The following PLCG2 variants were observed in gnomAD, a reference collection of about 807,000 sequenced individuals.
PLCG2 encodes phospholipase C gamma 2.
A neutral mutation model predicts 175.6 loss-of-function variants in PLCG2; 69 were observed. The observed-to-expected ratio is 0.39, with a 90% CI of 0.32 to 0.48. The LOEUF is 0.48. Among genes scored for constraint, PLCG2 ranks in the 20% least tolerant of loss-of-function variants. PLCG2 has a pLI of 0.91. For synonymous variants in PLCG2, 827 were observed against 624.0 expected, an observed-to-expected ratio of 1.33 and a Z score of -4.85; for missense variants, 1,798 against 1,650.9, an observed-to-expected ratio of 1.09 and a Z score of -1.54.
chr16:81,849,147 T>C (rs1008889788), intron 2 of PLCG2, among the ~76,000 whole-genome samples: 4 of 152,084 alleles, frequency 2.6e-5, no homozygotes, highest in Admixed American at 6.5e-5. Flanking sequence ...CTTACAGCAA[T>C]GGGACGTCAC....
chr16:81,786,124 G>T lies in PLCG2; in HGVS notation c.135G>T (p.Val45=). ...KSTPERRTVQ[V]IMETRQVAWS... ...CCCCCGAGCGGAGAACCGTCCAGGT[G>T]ATCATGGAGACGCGGCAGGTGGCCT... Residue 45 remains valine (V), a synonymous_variant, in exon 2 of 33, where the codon GTG becomes GTT. Coordinates refer to ENST00000564138, the MANE Select transcript of PLCG2 (RefSeq NM_002661.5). The T allele has an allele frequency of 6.2e-7, 1 of 1,614,206 alleles. No individual in the cohort carries two copies. Among genetic ancestry groups the T allele is most frequent in the Non-Finnish European group, 8.5e-7 (1 of 1,180,044 alleles).
At chr16:81,818,904 T>TTTTTTTTTTTTTC (rs1904672390) in intron 2 of PLCG2, among the ~76,000 whole-genome samples, 1 of 149,742 alleles carries the variant, frequency 6.7e-6, no homozygotes, top group African/African-American at 2.5e-5. Flanking sequence ...TTTTTTTTTT[T>TTTTTTTTTTTTTC]TTTACTGTGG....
chr16:81,791,531 T>A (rs1219289791), intron 2 of PLCG2, among the ~76,000 whole-genome samples: 1 of 152,150 alleles, frequency 6.6e-6, no homozygotes, highest in Non-Finnish European at 1.5e-5. Flanking sequence ...GATACCTTAG[T>A]GGTGATGGCT....
intron 2 of PLCG2, among the ~76,000 whole-genome samples, chr16:81,812,482 T>C (rs541398975): frequency 3.3e-5 from 5 of 152,368 alleles, no homozygotes; most frequent in Admixed American, 3.3e-4. Flanking sequence ...TGCATAAATG[T>C]CTTCTTTTGA....
chr16:81,928,758 G>C (rs1471464966), intron 24 of PLCG2, 134 bp downstream of exon 24: 10 of 680,098 alleles, frequency 1.5e-5, no homozygotes, highest in Non-Finnish European at 2.7e-5. Flanking sequence ...GGCTGAAGCT[G>C]AGTATTTAGG....
intron 2 of PLCG2, among the ~76,000 whole-genome samples, chr16:81,841,657 C>A (rs760228523): frequency 6.6e-6 from 1 of 152,122 alleles, no homozygotes; most frequent in Non-Finnish European, 1.5e-5. Context: ...CTTCTTCATA[C>A]AGCCAGGAGA....
In PLCG2 at chr16:81,961,501, A is replaced by G. The variant is rs141294634; in HGVS notation, c.*3503A>G. 4.5e-6 allele frequency: 1 copy of G among 222,938 alleles called. No individual in the cohort carries two copies. The highest frequency in any genetic ancestry group is 9.0e-6 in the Non-Finnish European group (1 of 111,652). 13.8% of individuals were successfully genotyped at this position (222,938 alleles called of 1,614,324 possible). A position where few individuals can be genotyped will look rare whatever the true frequency, so the allele number is the denominator to read the frequency against. On this transcript the variant is annotated 3_prime_UTR_variant, in exon 33 of 33. Coordinates refer to ENST00000564138, the MANE Select transcript of PLCG2 (RefSeq NM_002661.5). ...CAGCCTTAGGATTATAGGATACTAT[A>G]TAATACTTTTGGTACAGAGATAGAA...
chr16:81,931,120 C>T lies in PLCG2; in HGVS notation c.2582-377C>T, dbSNP rs75511292. On this transcript the variant is annotated intron_variant, in intron 24 of 32. Transcript: ENST00000564138. ...TTTTAATGTTTGTTTTTTTTTCCTG[C>T]ATCTTAAGTGTCCCTCTCCTTTCTC... 9.5e-3 allele frequency: 1,479 copies of T among 156,106 alleles called. 21 individuals carry two copies. Among genetic ancestry groups the T allele is most frequent in the African/African-American group, 0.034 (1,402 of 41,508 alleles). 9.7% of individuals were successfully genotyped at this position (156,106 alleles called of 1,614,324 possible).
intron 30 of PLCG2, among the ~76,000 whole-genome samples, chr16:81,941,452 C>T (rs369701327): frequency 2.0e-5 from 3 of 152,162 alleles, no homozygotes; most frequent in African/African-American, 4.8e-5. Flanking sequence ...TTGGATGGCA[C>T]TTTGACAGAA....
At chr16:81,869,856 G>C (rs1028773220) in intron 6 of PLCG2, among the ~76,000 whole-genome samples, 1 of 152,142 alleles carries the variant, frequency 6.6e-6, no homozygotes, top group Non-Finnish European at 1.5e-5. Context: ...TAGTAGAGCA[G>C]GTGAGGCAAG....
chr16:81,802,093 C>CTT (rs1157731599), intron 2 of PLCG2, among the ~76,000 whole-genome samples: 706 of 39,998 alleles, frequency 0.018, 260 homozygotes, highest in Middle Eastern at 0.037. Flanking sequence ...TGAGTACAGT[C>CTT]TTTTTTTTTT....
At chr16:81,841,163 T>G (rs1447524491) in intron 2 of PLCG2, among the ~76,000 whole-genome samples, 1 of 152,178 alleles carries the variant, frequency 6.6e-6, no homozygotes, top group Non-Finnish European at 1.5e-5. Context: ...ACAAAGAAGA[T>G]AAGGGCAGGC....
At chr16:81,845,754 T>C (rs553723083) in intron 2 of PLCG2, among the ~76,000 whole-genome samples, 2 of 152,356 alleles carry the variant, frequency 1.3e-5, no homozygotes, top group South Asian at 4.1e-4. Flanking sequence ...CCCTGCCTGA[T>C]GTAAGATCAA....
At chr16:81,940,126 T>C in intron 30 of PLCG2, 67 bp downstream of exon 30, 2 of 1,339,858 alleles carry the variant, frequency 1.5e-6, no homozygotes, top group South Asian at 2.5e-5. Flanking sequence ...GCTGCTGGCT[T>C]CAAAAAGAAT....
chr16:81,800,202 A>G (rs1911660166), intron 2 of PLCG2, among the ~76,000 whole-genome samples: 2 of 152,154 alleles, frequency 1.3e-5, no homozygotes, highest in South Asian at 4.1e-4. Context: ...TGCTATTATT[A>G]TTGTTTAAAT....
chr16:81,856,635 AAC>A (rs1353938689), intron 3 of PLCG2, among the ~76,000 whole-genome samples: 4 of 152,194 alleles, frequency 2.6e-5, no homozygotes, highest in Non-Finnish European at 4.4e-5. Flanking sequence ...GTTAAAAGCT[AAC>A]ACTCTTTAAT....
At chr16:81,875,577 C>G (rs1466879924) in intron 7 of PLCG2, among the ~76,000 whole-genome samples, 1 of 152,194 alleles carries the variant, frequency 6.6e-6, no homozygotes, top group Non-Finnish European at 1.5e-5. Flanking sequence ...CACCTTGTCA[C>G]TGCCCTCACC....
chr16:81,771,283 A>G (rs1013517143), intron 2 of PLCG2, among the ~76,000 whole-genome samples: 1 of 152,264 alleles, frequency 6.6e-6, no homozygotes, highest in Non-Finnish European at 1.5e-5. Flanking sequence ...GCTGGAGTAC[A>G]CTGGTGTTGT....
At position 81,902,053 on chromosome 16, in the gene PLCG2, C is replaced by T. The variant is rs535610675; in HGVS notation, c.1362+1273C>T. On this transcript the variant is annotated intron_variant, in intron 14 of 32. Coordinates refer to ENST00000564138, the MANE Select transcript of PLCG2 (RefSeq NM_002661.5). ...CACATCCGAGTTCCAGCTCAGAGCA[C>T]GGGAAGTCCAAGGGTGTCCAGGGCA... Among the ~76,000 whole-genome samples, 40 of 152,304 alleles carry T rather than the reference C, an allele frequency of 2.6e-4. No homozygotes were observed. The South Asian group carries it at 8.1e-3, about 31-fold the overall frequency.
Sources: allele counts gnomAD v4.1 joint callset (sites outside exome capture counted in the v4.1 genomes callset), GRCh38; gene constraint gnomAD v4.1.1; transcripts MANE v1.5; gene names NCBI Gene and HGNC (gene_info 2026-07-23, HGNC 2026-07-21).